The following HDAC5 variants were observed in gnomAD, a reference collection of about 807,000 sequenced individuals.
HDAC5 encodes the protein antigen NY-CO-9.
In HDAC5, 25 loss-of-function variants were observed where a neutral mutation model predicts 133.3. The observed-to-expected ratio is 0.19, with a 90% CI of 0.14 to 0.26. HDAC5 has a LOEUF of 0.26. Among genes scored for constraint, HDAC5 ranks in the 10% least tolerant of loss-of-function variants. The pLI is 1.00. For synonymous variants in HDAC5, 589 were observed against 610.8 expected (o/e 0.96, Z 0.53); for missense variants, 1,041 against 1,460.5 (o/e 0.71, Z 4.68).
chr17:44,096,128 C>A (rs1413576971), intron 3 of HDAC5, among the ~76,000 whole-genome samples: 1 of 152,158 alleles, frequency 6.6e-6, no homozygotes, highest in Non-Finnish European at 1.5e-5. Flanking sequence ...CAAGCCCAGC[C>A]CAAGCCCCAC....
chr17:44,080,989 T>C, intron 20 of HDAC5, 107 bp from the exon 21 acceptor site: 1 of 1,479,708 alleles, frequency 6.8e-7, no homozygotes, highest in Middle Eastern at 2.1e-4. Flanking sequence ...ATCCTAGCAT[T>C]TTGGGAGGCT....
At chr17:44,100,749 G>A (rs12940978) in intron 3 of HDAC5, among the ~76,000 whole-genome samples, 101,512 of 151,016 alleles carry the variant, frequency 0.67, 35,415 homozygotes, top group South Asian at 0.88. Context: ...GAGAGACTCC[G>A]TCTCAAAATA....
chr17:44,107,318 T>C (rs1355073884), intron 3 of HDAC5, among the ~76,000 whole-genome samples: 1 of 152,168 alleles, frequency 6.6e-6, no homozygotes, highest in African/African-American at 2.4e-5. Flanking sequence ...CTAAAACAGA[T>C]ATGGCAAGGG....
chr17:44,078,921 G>A, intron 24 of HDAC5, 42 bp from the exon 25 acceptor site: 4 of 1,599,936 alleles, frequency 2.5e-6, no homozygotes, highest in Non-Finnish European at 3.4e-6. Context: ...GGGGAGTAGG[G>A]TTGCCATGCA....
chr17:44,088,033 G>T (rs186679759), intron 12 of HDAC5, among the ~76,000 whole-genome samples: 5 of 151,980 alleles, frequency 3.3e-5, no homozygotes. Flanking sequence ...TTTTTGAGAC[G>T]GTCTCGCTCT....
At chr17:44,084,887 G>A (rs970433654) in intron 15 of HDAC5, 135 bp downstream of exon 15, 12 of 1,305,920 alleles carry the variant, frequency 9.2e-6, no homozygotes, top group East Asian at 4.7e-5. Context: ...GGGATGGAAC[G>A]GGGTGGTGGG....
At position 44,083,836 on chromosome 17, in the gene HDAC5, A is replaced by G. The variant is rs1567984729; in HGVS notation, c.2324T>C (p.Met775Thr). The G allele has an allele frequency of 1.2e-6, 2 of 1,613,496 alleles. No individual in the cohort carries two copies. The highest frequency in any genetic ancestry group is 1.7e-6 in the Non-Finnish European group (2 of 1,179,848). ...GCCCCCACAAGGCAGCACAGCATAC[A>G]TCTTCTGGCTGATGGGGCCTGCATG... ...KKLLGPISQK[M>T]YAVLPCGGIG... The change falls in exon 17 of 27, where the codon ATG becomes ACG. Residue 775 changes from methionine (M) to threonine (T), a missense_variant. Transcript: ENST00000682912.
chr17:44,084,480 A>G, intron 16 of HDAC5, 75 bp downstream of exon 16: 1 of 1,580,268 alleles, frequency 6.3e-7, no homozygotes, highest in Non-Finnish European at 8.6e-7. Flanking sequence ...TAGCCTGGTC[A>G]GGCAGTCTTC....
chr17:44,114,133 G>T (rs1418783898), intron 2 of HDAC5, among the ~76,000 whole-genome samples: 1 of 152,214 alleles, frequency 6.6e-6, no homozygotes, highest in African/African-American at 2.4e-5. Flanking sequence ...TGCCTTCTCT[G>T]GCCATTCCAT....
intron 2 of HDAC5, among the ~76,000 whole-genome samples, chr17:44,112,235 GT>G (rs1373685655): frequency 1.3e-5 from 2 of 152,108 alleles, no homozygotes; most frequent in African/African-American, 4.8e-5. Flanking sequence ...AGAGTCAAGA[GT>G]TTTTCAGCAT....
At chr17:44,120,802 T>C (rs11079983) in intron 1 of HDAC5, among the ~76,000 whole-genome samples, 99,207 of 150,850 alleles carry the variant, frequency 0.66, 33,334 homozygotes, top group South Asian at 0.76. Context: ...GCACTAGGAA[T>C]TTATCTTGAC....
chr17:44,090,984 C>T (rs1435430941), intron 11 of HDAC5, among the ~76,000 whole-genome samples: 3 of 152,218 alleles, frequency 2.0e-5, no homozygotes, highest in Admixed American at 6.5e-5. Flanking sequence ...CCACCGCGCC[C>T]GGCCTTCTTT....
chr17:44,079,475 A>G (rs2050276518), intron 23 of HDAC5, 198 bp from the exon 24 acceptor site: 1 of 506,578 alleles, frequency 2.0e-6, no homozygotes, highest in Non-Finnish European at 3.6e-6. Flanking sequence ...CCCCGTCTCT[A>G]CTAAAAATAC....
At chr17:44,089,253 C>A (rs1321842370) in intron 11 of HDAC5, among the ~76,000 whole-genome samples, 2 of 152,236 alleles carry the variant, frequency 1.3e-5, no homozygotes, top group Non-Finnish European at 2.9e-5. Context: ...GTGGCTCACA[C>A]CTGTAATCCC....
At chr17:44,100,843 C>T (rs1348698388) in intron 3 of HDAC5, among the ~76,000 whole-genome samples, 2 of 149,830 alleles carry the variant, frequency 1.3e-5, no homozygotes, top group Non-Finnish European at 3.0e-5. Context: ...GGCTGGAGTG[C>T]AGTGGCGTGA....
Position 44,086,641 on chromosome 17 carries a change from A to C in HDAC5, c.1981T>G (p.Ser661Ala). 1 of 1,302,034 alleles carries C rather than the reference A, an allele frequency of 7.7e-7. No homozygotes were observed. Among genetic ancestry groups the C allele is most frequent in the Non-Finnish European group, 9.8e-7 (1 of 1,017,638 alleles). 80.7% of individuals were successfully genotyped at this position (1,302,034 alleles called of 1,614,324 possible). ...VPHQALGRTQ[S>A]SPAAPGGMKS... ...ATGCCCCCAGGGGCAGCAGGGGAGG[A>C]CTGGGTACGGCCCAGGGCCTGGTGG... is the stretch of plus-strand genomic sequence containing the variant. Residue 661 changes from serine to alanine, a missense_variant, in exon 14 of 27, where the codon TCC becomes GCC. Ser to Ala is a moderately conservative substitution (Grantham distance 99, BLOSUM62 1). Transcript: ENST00000682912.
At chr17:44,090,261 CA>C (rs1337409860) in intron 11 of HDAC5, among the ~76,000 whole-genome samples, 5 of 152,056 alleles carry the variant, frequency 3.3e-5, no homozygotes, top group Non-Finnish European at 5.9e-5. Context: ...GGTAACATAG[CA>C]AGATCCTGTC....
At chr17:44,095,715 A>G (rs1479587745) in intron 3 of HDAC5, among the ~76,000 whole-genome samples, 1 of 151,560 alleles carries the variant, frequency 6.6e-6, no homozygotes, top group African/African-American at 2.4e-5. Flanking sequence ...GGGGAGGGGG[A>G]ATAAGAGGAT....
chr17:44,118,258 A>G (rs1032122608), intron 1 of HDAC5, among the ~76,000 whole-genome samples: 1 of 152,244 alleles, frequency 6.6e-6, no homozygotes, highest in Non-Finnish European at 1.5e-5. Context: ...AGACCAGGAC[A>G]AGAGCTTCTC....
Sources: allele counts gnomAD v4.1 joint callset (sites outside exome capture counted in the v4.1 genomes callset), GRCh38; gene constraint gnomAD v4.1.1; transcripts MANE v1.5; gene names NCBI Gene and HGNC (gene_info 2026-07-23, HGNC 2026-07-21).